The following SLC26A1 variants were observed in gnomAD, a reference collection of about 807,000 sequenced individuals.
SLC26A1 encodes the protein solute carrier family 26 member 1.
A neutral mutation model predicts 14.5 loss-of-function variants in SLC26A1; 18 were observed. That is an observed-to-expected ratio of 1.24 (90% CI 0.86 to 1.84). The LOEUF is 1.84. Ranked by LOEUF, SLC26A1 falls within the 40% of genes most tolerant of loss-of-function variation. SLC26A1 has a pLI of 0.00. For synonymous variants in SLC26A1, 505 were observed against 492.0 expected, an observed-to-expected ratio of 1.03 and a Z score of -0.35; for missense variants, 1,049 against 1,020.0, an observed-to-expected ratio of 1.03 and a Z score of -0.39.
chr4:979,409 G>T lies in SLC26A1; in HGVS notation c.672C>A (p.Cys224Ter). 6.5e-7 allele frequency: 1 copy of T among 1,530,454 alleles called. No individual in the cohort carries two copies. The highest frequency in any genetic ancestry group is 9.0e-7 in the Non-Finnish European group (1 of 1,109,738). 94.8% of individuals were successfully genotyped at this position (1,530,454 alleles called of 1,614,324 possible). Residue 224 changes from cysteine (C) to a stop codon, truncating the protein, a stop_gained, in exon 3 of 3, where the codon TGC becomes TGA. Transcript: ENST00000398520. LOFTEE classifies it high-confidence loss of function. ...GATGTCGGCATTTCCTGTTAAATCAGCAAGATCTTTCCTCCTCTTCCAGAA... is the reference window on the plus strand; with the variant it reads ...GATGTCGGCATTTCCTGTTAAATCATCAAGATCTTTCCTCCTCTTCCAGAA...
intron 2 of SLC26A1, among the ~76,000 whole-genome samples, chr4:980,341 T>C (rs147861068): frequency 4.5e-4 from 68 of 152,184 alleles, no homozygotes; most frequent in African/African-American, 1.5e-3. Flanking sequence ...ATCCCAGCAC[T>C]TTGGGAGGCT....
At chr4:986,110 T>TA (rs1453920542), downstream of SLC26A1, among the ~76,000 whole-genome samples, 4 of 151,340 alleles carry the variant, frequency 2.6e-5, no homozygotes, top group Admixed American at 6.6e-5. Context: ...ACAGATGGGG[T>TA]CTTGGTACAT....
At position 991,635 on chromosome 4, in the gene SLC26A1, T is replaced by C. The variant is rs1387647737; in HGVS notation, c.69A>G (p.Ala23=). 6.4e-7 allele frequency: 1 copy of C among 1,562,800 alleles called. No individual in the cohort carries two copies. The highest frequency in any genetic ancestry group is 1.2e-5 in the South Asian group (1 of 84,854). The stretch of plus-strand genomic sequence containing the variant: ...TCAGCATCTCACGCAGACCCCGGGG[T>C]GCTGGGCGCTGCCGTCGGACCGGCA... ...GPVPVRRQRP[A]PRGLREMLKA... Residue 23 remains alanine, a synonymous_variant, in exon 2 of 3, where the codon GCA becomes GCG. Transcript: ENST00000398516.
chr4:989,934 G>A lies in SLC26A1; in HGVS notation c.1005C>T (p.Pro335=). ...CCAAAGCCACACGCTGCATCAGCCT[G>A]GGCTCTGGGACCTGAGGGGGCATGA... ...TGFMPPQVPE[P]RLMQRVALDA... is the part of the protein sequence containing the mutation. Residue 335 remains proline (P), a synonymous_variant, in exon 3 of 3, where the codon CCC becomes CCT. Transcript: ENST00000398516. The A allele has an allele frequency of 1.9e-6, 3 of 1,557,382 alleles. No homozygotes were observed. The highest frequency in any genetic ancestry group is 2.6e-6 in the Non-Finnish European group (3 of 1,151,760).
At chr4:986,548 A>G (rs896461622), downstream of SLC26A1, among the ~76,000 whole-genome samples, 2 of 152,206 alleles carry the variant, frequency 1.3e-5, no homozygotes, top group Non-Finnish European at 2.9e-5. Context: ...CAATATTTTC[A>G]GTCTGCTTGG....
At position 989,945 on chromosome 4, in the gene SLC26A1, C is replaced by G. The variant is rs1468201649; in HGVS notation, c.994G>C (p.Val332Leu). Residue 332 changes from valine to leucine, a missense_variant, in exon 3 of 3, where the codon GTC becomes CTC. By Grantham distance (32) the Val-to-Leu change is conservative (BLOSUM62 1). Transcript: ENST00000398516. ...DIPTGFMPPQ[V>L]PEPRLMQRVA... Reference sequence around the variant, plus strand: ...CGCTGCATCAGCCTGGGCTCTGGGACCTGAGGGGGCATGAAACCCGTGGGG... The same window carrying G: ...CGCTGCATCAGCCTGGGCTCTGGGAGCTGAGGGGGCATGAAACCCGTGGGG... 2 of 1,556,044 alleles carry G rather than the reference C, an allele frequency of 1.3e-6. No individual in the cohort carries two copies. The highest frequency in any genetic ancestry group is 2.4e-5 in the East Asian group (1 of 41,534).
At chr4:982,406 C>T (rs1388005663) in intron 2 of SLC26A1, among the ~76,000 whole-genome samples, 1 of 152,218 alleles carries the variant, frequency 6.6e-6, no homozygotes, top group Non-Finnish European at 1.5e-5. Flanking sequence ...CCCGTAAACC[C>T]CTGGGCTGCC....
At position 988,350 on chromosome 4, in the gene SLC26A1, GGT is replaced by G; in HGVS notation, c.*481_*482del. On this transcript the variant is annotated 3_prime_UTR_variant, in exon 3 of 3. Coordinates refer to ENST00000398516, the MANE Select transcript of SLC26A1 (RefSeq NM_022042.4). ...GCCACCCTGTGAGGGGGAGGCACGA[GGT>G]GTGAGGGGCACTTGGGTGTGTGGGG... 9.2e-7 allele frequency: 1 copy of G among 1,084,278 alleles called. No homozygotes were observed. The highest frequency in any genetic ancestry group is 1.1e-6 in the Non-Finnish European group (1 of 891,272). The allele number at this position is 1,084,278 out of a possible 1,614,324, so 67.2% of individuals were successfully genotyped here. A position where few individuals can be genotyped will look rare whatever the true frequency, so the allele number is the denominator to read the frequency against.
In SLC26A1 at chr4:989,112, G is replaced by A; in HGVS notation, c.1827C>T (p.Phe609=). The A allele has an allele frequency of 6.2e-7, 1 of 1,605,176 alleles. No individual in the cohort carries two copies. ...GGGCGCAGTCGATGACCACTGTGTG[G>A]AAGCCGGCCGCTGCGGGCACCAGCG... ...RAALVPAAAG[F]HTVVIDCAPL... Residue 609 remains phenylalanine (F), a synonymous_variant, in exon 3 of 3, where the codon TTC becomes TTT. Coordinates refer to ENST00000398516, the MANE Select transcript of SLC26A1 (RefSeq NM_022042.4).
downstream of SLC26A1, among the ~76,000 whole-genome samples, chr4:985,956 G>T (rs1713707225): frequency 6.6e-6 from 1 of 151,856 alleles, no homozygotes; most frequent in Non-Finnish European, 1.5e-5. Flanking sequence ...GTCTCATTTT[G>T]TCAACCAGGC....
At chr4:979,426 C>T in exon 3 of SLC26A1, 3 of 1,587,900 alleles carry the variant, frequency 1.9e-6, no homozygotes, top group South Asian at 1.1e-5. Flanking sequence ...CTTTCCTCCT[C>T]TTCCAGAAGT....
At chr4:981,550 C>T (rs1467210654) in intron 2 of SLC26A1, among the ~76,000 whole-genome samples, 5 of 152,146 alleles carry the variant, frequency 3.3e-5, no homozygotes, top group African/African-American at 1.2e-4. Flanking sequence ...AGGTGGGAGG[C>T]CTGCTTGAGC....
rs779996742 is a variant in SLC26A1, at chr4:990,011, G to A, written c.928C>T (p.Gln310Ter). The change falls in exon 3 of 3, where the codon CAG (glutamine) becomes TAG (stop). Residue 310 changes from glutamine to a stop codon, truncating the protein, a stop_gained. Coordinates refer to ENST00000398516, the MANE Select transcript of SLC26A1 (RefSeq NM_022042.4). LOFTEE classifies it low-confidence loss of function (END_TRUNC). Reference sequence around the variant, plus strand: ...CTCGAGCCAAAGCGCTTGTGGAGCTGCCCGAAGTGCGACACGAGTGTGGCC... The same window carrying A: ...CTCGAGCCAAAGCGCTTGTGGAGCTACCCGAAGTGCGACACGAGTGTGGCC... ...VVATLVSHFG[Q>*]LHKRFGSSVA... 4 of 1,577,072 alleles carry A rather than the reference G, an allele frequency of 2.5e-6. No homozygotes were observed. Among genetic ancestry groups the A allele is most frequent in the Middle Eastern group, 1.7e-4 (1 of 6,018 alleles).
At chr4:985,234 C>T (rs577009535), downstream of SLC26A1, among the ~76,000 whole-genome samples, 40 of 152,404 alleles carry the variant, frequency 2.6e-4, 1 homozygote, top group South Asian at 5.8e-3. Context: ...GAGGAACGAA[C>T]GCAGCAGCGT....
At position 991,573 on chromosome 4, in the gene SLC26A1, A is replaced by G. The variant is rs990505881; in HGVS notation, c.131T>C (p.Leu44Pro). ...GTCCTGCACCAGCGCCCGGACGCAC[A>G]GCACACTGCACGAGCAGCTGCACCA... ...RLWCSCSCSV[L>P]CVRALVQDLL... Residue 44 changes from leucine to proline, a missense_variant, in exon 2 of 3, where the codon CTG becomes CCG. Physicochemically the swap from Leu to Pro is moderately conservative, Grantham distance 98 (BLOSUM62 -3). Coordinates refer to ENST00000398516, the MANE Select transcript of SLC26A1 (RefSeq NM_022042.4). 14 of 1,602,064 alleles carry G rather than the reference A, an allele frequency of 8.7e-6. No homozygotes were observed. Among genetic ancestry groups the G allele is most frequent in the Non-Finnish European group, 1.1e-5 (13 of 1,177,546 alleles).
In SLC26A1 at chr4:991,530, G is replaced by A; in HGVS notation, c.174C>T (p.Arg58=). The change falls in exon 2 of 3, where the codon CGC becomes CGT. Residue 58 remains arginine (R), a synonymous_variant. Coordinates refer to ENST00000398516, the MANE Select transcript of SLC26A1 (RefSeq NM_022042.4). ...ALVQDLLPAT[R]WLRQYRPREY... ...CCCGCGGGCGGTACTGACGCAGCCA[G>A]CGCGTGGCGGGGAGCAGGTCCTGCA... is the stretch of plus-strand genomic sequence containing the variant. 2 of 1,606,666 alleles carry A rather than the reference G, an allele frequency of 1.2e-6. No homozygotes were observed.
At chr4:986,849 C>T, downstream of SLC26A1, 1 of 645,138 alleles carries the variant, frequency 1.6e-6, no homozygotes, top group East Asian at 3.2e-5. Context: ...CTTTCCGAGT[C>T]ATCGGTCCTC....
downstream of SLC26A1, among the ~76,000 whole-genome samples, chr4:985,500 G>C (rs1010463301): frequency 1.3e-5 from 2 of 152,166 alleles, no homozygotes; most frequent in Non-Finnish European, 2.9e-5. Flanking sequence ...GTTTCTTACT[G>C]TTTTTCTCAG....
chr4:987,606 C>T (rs1713836164), downstream of SLC26A1: 22 of 1,433,304 alleles, frequency 1.5e-5, no homozygotes, highest in Admixed American at 2.6e-5. Context: ...TGGCGTTGGC[C>T]CCTCGTCTTA....
Sources: allele counts gnomAD v4.1 joint callset (sites outside exome capture counted in the v4.1 genomes callset), GRCh38; gene constraint gnomAD v4.1.1; transcripts MANE v1.5; gene names NCBI Gene and HGNC (gene_info 2026-07-23, HGNC 2026-07-21).